AUTS2: variants seen among roughly 807,000 people sequenced by gnomAD.
AUTS2 encodes the protein autism susceptibility gene 2 protein.
Under a neutral mutation model 112.4 loss-of-function variants are expected in AUTS2, and 17 were observed. That is an observed-to-expected ratio of 0.15 (90% CI 0.10 to 0.23). AUTS2 has a LOEUF of 0.23. AUTS2 is among the 10% of genes least tolerant of loss of function. AUTS2 has a pLI of 1.00. For missense variants in AUTS2, 1,510 were observed against 1,701.6 expected, an observed-to-expected ratio of 0.89 and a Z score of 1.98; for synonymous variants, 751 against 702.7, an observed-to-expected ratio of 1.07 and a Z score of -1.09.
chr7:70,343,195 T>C lies in AUTS2; in HGVS notation c.661-92557T>C, dbSNP rs116890921. Reference sequence around the variant, plus strand: ...AAATATTTTAGCTTTGCTTATGATATTCACTTGCTCTGTCAGAACTCTCCA... The same window carrying C: ...AAATATTTTAGCTTTGCTTATGATACTCACTTGCTCTGTCAGAACTCTCCA... On this transcript the variant is annotated intron_variant, in intron 4 of 18. Transcript: ENST00000342771. 2.6e-4 allele frequency among the ~76,000 whole-genome samples: 39 copies of C among 152,366 alleles called. No individual in the cohort carries two copies. The East Asian group carries it at 7.1e-3, about 28-fold the overall frequency.
At chr7:69,946,594 A>G (rs868118302) in intron 2 of AUTS2, among the ~76,000 whole-genome samples, 2 of 138,606 alleles carry the variant, frequency 1.4e-5, no homozygotes, top group South Asian at 2.2e-4. Flanking sequence ...ACACACACAC[A>G]CACACACACA....
At chr7:69,787,007 A>C (rs1337471547) in intron 1 of AUTS2, among the ~76,000 whole-genome samples, 1 of 152,246 alleles carries the variant, frequency 6.6e-6, no homozygotes, top group Non-Finnish European at 1.5e-5. Flanking sequence ...TTTATAGGCA[A>C]GTAAACTGAA....
intron 1 of AUTS2, among the ~76,000 whole-genome samples, chr7:69,828,170 A>G (rs1021999518): frequency 1.3e-5 from 2 of 152,180 alleles, no homozygotes; most frequent in Admixed American, 6.5e-5. Context: ...AGGGGGGTAC[A>G]TCTTGATTAG....
chr7:69,827,494 A>G (rs374450954), intron 1 of AUTS2, among the ~76,000 whole-genome samples: 1 of 152,164 alleles, frequency 6.6e-6, no homozygotes, highest in Non-Finnish European at 1.5e-5. Context: ...AGATGGCTGC[A>G]GTATATTCTT....
chr7:70,285,182 A>G (rs1194483640), intron 4 of AUTS2, among the ~76,000 whole-genome samples: 1 of 152,174 alleles, frequency 6.6e-6, no homozygotes, highest in Non-Finnish European at 1.5e-5. Context: ...TTGAGTCAAC[A>G]TGGGAATTAT....
rs146737493 is a variant in AUTS2 at position 70,039,388 on chromosome 7, A to G, written c.523-78744A>G. 6.1e-3 allele frequency among the ~76,000 whole-genome samples: 925 copies of G among 152,166 alleles called. 5 individuals are homozygous for G. The highest frequency in any genetic ancestry group is 0.017 in the Middle Eastern group (5 of 294). On this transcript the variant is annotated intron_variant, in intron 2 of 18. Coordinates refer to ENST00000342771, the MANE Select transcript of AUTS2 (RefSeq NM_015570.4). The stretch of plus-strand genomic sequence containing the variant: ...TTGTTGTTTTTTCTCCCCAAGATGC[A>G]GTCTTGCTCTGTTGCCCAGGCTCAA...
chr7:70,175,278 C>G (rs1808925723), intron 4 of AUTS2, among the ~76,000 whole-genome samples: 1 of 152,204 alleles, frequency 6.6e-6, no homozygotes, highest in Non-Finnish European at 1.5e-5. Context: ...TTTCTGCAAT[C>G]TCATCACCAA....
At chr7:70,461,973 C>T (rs1035055339) in intron 5 of AUTS2, among the ~76,000 whole-genome samples, 4 of 152,156 alleles carry the variant, frequency 2.6e-5, no homozygotes, top group African/African-American at 9.7e-5. Context: ...GGAAAGGGGC[C>T]GTGTGCGCTG....
At chr7:70,047,998 G>A (rs1365164757) in intron 2 of AUTS2, among the ~76,000 whole-genome samples, 1 of 152,106 alleles carries the variant, frequency 6.6e-6, no homozygotes, top group African/African-American at 2.4e-5. Flanking sequence ...CTGTATGGGA[G>A]AGTGTCTTGG....
intron 5 of AUTS2, among the ~76,000 whole-genome samples, chr7:70,682,219 C>A (rs1481615130): frequency 6.6e-6 from 1 of 152,152 alleles, no homozygotes; most frequent in Non-Finnish European, 1.5e-5. Flanking sequence ...AATGAGAATT[C>A]CAGATTTTAT....
chr7:69,752,316 G>T (rs1787772346), intron 1 of AUTS2, among the ~76,000 whole-genome samples: 1 of 152,354 alleles, frequency 6.6e-6, no homozygotes, highest in African/African-American at 2.4e-5. Context: ...CTGTTGTGCA[G>T]ATGGGGCCTA....
intron 4 of AUTS2, among the ~76,000 whole-genome samples, chr7:70,325,654 C>A (rs1015047327): frequency 6.6e-6 from 1 of 152,166 alleles, no homozygotes; most frequent in African/African-American, 2.4e-5. Context: ...CAACCCCACC[C>A]CCGATCAGAT....
intron 1 of AUTS2, among the ~76,000 whole-genome samples, chr7:69,715,887 A>G (rs1450252512): frequency 6.6e-6 from 1 of 152,224 alleles, no homozygotes; most frequent in Non-Finnish European, 1.5e-5. Flanking sequence ...CATTTTGTGA[A>G]TGAGCAGAAA....
At chr7:70,708,585 A>AT (rs1809865075) in intron 6 of AUTS2, among the ~76,000 whole-genome samples, 1 of 151,562 alleles carries the variant, frequency 6.6e-6, no homozygotes, top group Non-Finnish European at 1.5e-5. Context: ...AAACTCACTA[A>AT]TTAAAAAAAA....
intron 4 of AUTS2, among the ~76,000 whole-genome samples, chr7:70,415,781 C>T (rs1794964787): frequency 2.0e-5 from 3 of 152,162 alleles, no homozygotes; most frequent in Admixed American, 2.0e-4. Flanking sequence ...CAGGGAAAAA[C>T]AAGCCTTGTG....
At chr7:70,012,722 A>G (rs1263768103) in intron 2 of AUTS2, among the ~76,000 whole-genome samples, 1 of 152,356 alleles carries the variant, frequency 6.6e-6, no homozygotes, top group Middle Eastern at 3.4e-3. Flanking sequence ...AAAGCACACT[A>G]TGCTGACACT....
intron 5 of AUTS2, among the ~76,000 whole-genome samples, chr7:70,472,495 A>G (rs1055028170): frequency 2.0e-5 from 3 of 151,998 alleles, no homozygotes; most frequent in African/African-American, 4.8e-5. Flanking sequence ...GGAGAATTAG[A>G]ATGTTTACAT....
At chr7:70,676,650 G>A (rs146393152) in intron 5 of AUTS2, among the ~76,000 whole-genome samples, 157 of 152,128 alleles carry the variant, frequency 1.0e-3, no homozygotes, top group African/African-American at 3.7e-3. Context: ...GCCAAGGCAG[G>A]TGGATCACTT....
At chr7:69,698,063 A>G (rs1797632102) in intron 1 of AUTS2, among the ~76,000 whole-genome samples, 1 of 152,154 alleles carries the variant, frequency 6.6e-6, no homozygotes, top group African/African-American at 2.4e-5. Flanking sequence ...TTGAGCAGGG[A>G]CTTTGGGTAA....
Sources: allele counts gnomAD v4.1 joint callset (sites outside exome capture counted in the v4.1 genomes callset), GRCh38; gene constraint gnomAD v4.1.1; transcripts MANE v1.5; gene names NCBI Gene and HGNC (gene_info 2026-07-23, HGNC 2026-07-21).